The following KPNA6 variants were observed in gnomAD, a reference collection of about 807,000 sequenced individuals.
The protein encoded by KPNA6 is karyopherin subunit alpha 6, also known as importin subunit alpha-7.
Under a neutral mutation model 72.0 loss-of-function variants are expected in KPNA6, and 9 were observed. The ratio of observed to expected loss-of-function variants is 0.13; its 90% CI spans 0.08 to 0.22. The LOEUF is 0.22. Among genes scored for constraint, KPNA6 ranks in the 10% least tolerant of loss-of-function variants. The pLI is 1.00. For missense variants in KPNA6, 374 were observed against 655.7 expected (o/e 0.57, Z 4.69); for synonymous variants, 219 against 242.1 (o/e 0.90, Z 0.89).
intron 1 of KPNA6, among the ~76,000 whole-genome samples, chr1:32,134,999 A>G (rs1187474934): frequency 6.9e-6 from 1 of 145,376 alleles, no homozygotes; most frequent in Non-Finnish European, 1.5e-5. Context: ...TCTGCTTTCC[A>G]GGTTCGAGCA....
chr1:32,118,199 T>G lies in KPNA6; in HGVS notation c.4+10065T>G, dbSNP rs560780225. Among the ~76,000 whole-genome samples the G allele has an allele frequency of 1.6e-3, 238 of 152,154 alleles. 1 individual carries two copies. The highest frequency in any genetic ancestry group is 5.4e-3 in the African/African-American group (223 of 41,522). ...TCAGCCTCCCAAAGTGCTGAGATTA[T>G]AGACGTGAGCCACCGTGCCCAGCCA... On this transcript the variant is annotated intron_variant, in intron 1 of 13. Coordinates refer to ENST00000373625, the MANE Select transcript of KPNA6 (RefSeq NM_012316.5).
intron 1 of KPNA6, among the ~76,000 whole-genome samples, chr1:32,138,212 T>C (rs1453919114): frequency 6.6e-6 from 1 of 151,508 alleles, no homozygotes; most frequent in Non-Finnish European, 1.5e-5. Flanking sequence ...GTAGGCAAGA[T>C]GTTTTGACAA....
intron 7 of KPNA6, 31 bp from the exon 8 acceptor site, chr1:32,161,916 G>A: frequency 6.4e-7 from 1 of 1,563,516 alleles, no homozygotes; most frequent in African/African-American, 1.3e-5. Flanking sequence ...AGGCCTCAGT[G>A]CTCAGGATCT....
rs574766209 is a variant in KPNA6, at chr1:32,129,581, G to T, written c.4+21447G>T. Among the ~76,000 whole-genome samples the T allele has an allele frequency of 2.6e-5, 4 of 151,806 alleles. No individual in the cohort carries two copies. The South Asian group carries it at 8.3e-4, about 32-fold the overall frequency. Reference sequence around the variant, plus strand: ...TTGTTTTGTTTTTATTTGGAGACAGGGTCTCGCTCTGTCACCCAGGCTGGA... The same window carrying T: ...TTGTTTTGTTTTTATTTGGAGACAGTGTCTCGCTCTGTCACCCAGGCTGGA... On this transcript the variant is annotated intron_variant, in intron 1 of 13. Transcript: ENST00000373625.
At chr1:32,164,399 G>A (rs1642294054) in intron 10 of KPNA6, among the ~76,000 whole-genome samples, 1 of 152,178 alleles carries the variant, frequency 6.6e-6, no homozygotes, top group Non-Finnish European at 1.5e-5. Context: ...TACCCAGAGT[G>A]GAATTGCTGG....
intron 1 of KPNA6, among the ~76,000 whole-genome samples, chr1:32,128,932 G>A (rs1641588399): frequency 6.6e-6 from 1 of 152,028 alleles, no homozygotes; most frequent in Non-Finnish European, 1.5e-5. Flanking sequence ...GAGATAGTCT[G>A]GGTAAGGGTA....
chr1:32,128,253 G>A (rs1376840460), intron 1 of KPNA6, among the ~76,000 whole-genome samples: 1 of 150,916 alleles, frequency 6.6e-6, no homozygotes, highest in African/African-American at 2.4e-5. Context: ...CCTCCCTTCC[G>A]TAGATCTGAG....
At chr1:32,160,361 GT>G (rs1642215864) in intron 6 of KPNA6, among the ~76,000 whole-genome samples, 1 of 151,424 alleles carries the variant, frequency 6.6e-6, no homozygotes, top group African/African-American at 2.4e-5. Flanking sequence ...GGGCGATATT[GT>G]TTTGGCTTCT....
chr1:32,144,309 G>A (rs1299388982), intron 1 of KPNA6, among the ~76,000 whole-genome samples: 1 of 152,014 alleles, frequency 6.6e-6, no homozygotes, highest in African/African-American at 2.4e-5. Flanking sequence ...TGGTTAGCGC[G>A]ATATTTCATC....
At chr1:32,156,624 A>T (rs1642148772) in intron 2 of KPNA6, among the ~76,000 whole-genome samples, 3 of 152,226 alleles carry the variant, frequency 2.0e-5, no homozygotes, top group Non-Finnish European at 4.4e-5. Flanking sequence ...AAACTTATGA[A>T]TTGTTCATTT....
chr1:32,128,394 TATA>T (rs1267296908), intron 1 of KPNA6, among the ~76,000 whole-genome samples: 1 of 76,544 alleles, frequency 1.3e-5, no homozygotes, highest in African/African-American at 6.0e-5. Context: ...TATTTATATA[TATA>T]TATATATATA....
intron 1 of KPNA6, among the ~76,000 whole-genome samples, chr1:32,125,433 G>A (rs987228207): frequency 6.6e-6 from 1 of 152,154 alleles, no homozygotes; most frequent in Non-Finnish European, 1.5e-5. Context: ...CAGCCAACAG[G>A]CCTGCACAGG....
At chr1:32,154,965 G>A (rs1022635588) in intron 2 of KPNA6, among the ~76,000 whole-genome samples, 1 of 151,994 alleles carries the variant, frequency 6.6e-6, no homozygotes, top group African/African-American at 2.4e-5. Context: ...ACAGAAATTA[G>A]CCGGACGTGG....
intron 2 of KPNA6, among the ~76,000 whole-genome samples, chr1:32,155,110 CAAAAAAAAAAAAAA>C (rs144040035): frequency 3.7e-5 from 2 of 54,228 alleles, no homozygotes; most frequent in Admixed American, 2.7e-4. Flanking sequence ...AACTCCATCT[CAAAAAAAAAAAAAA>C]AAAAAAAAAG....
intron 10 of KPNA6, among the ~76,000 whole-genome samples, chr1:32,165,093 G>A (rs975122735): frequency 2.6e-5 from 4 of 151,684 alleles, no homozygotes; most frequent in African/African-American, 9.7e-5. Flanking sequence ...TTTTTGGAGA[G>A]ACAGGGTTTT....
rs1379181084 is a variant in KPNA6, at chr1:32,172,321, T to C, written c.*1427T>C. ...GGACCTGAAGGGAGCAAGGATGGCC[T>C]CAGGGCCTGGTGAAGTCTGCTACTC... On this transcript the variant is annotated 3_prime_UTR_variant, in exon 14 of 14. Transcript: ENST00000373625. The C allele has an allele frequency of 6.6e-6, 1 of 152,140 alleles. No individual in the cohort carries two copies. Among genetic ancestry groups the C allele is most frequent in the East Asian group, 1.9e-4 (1 of 5,170 alleles). The allele number at this position is 152,140 out of a possible 1,614,324, so 9.4% of individuals were successfully genotyped here.
At chr1:32,138,342 G>A (rs1477311667) in intron 1 of KPNA6, among the ~76,000 whole-genome samples, 3 of 151,600 alleles carry the variant, frequency 2.0e-5, no homozygotes, top group Admixed American at 6.6e-5. Flanking sequence ...ATCAGGAGTC[G>A]AGACCAGCCT....
intron 1 of KPNA6, among the ~76,000 whole-genome samples, chr1:32,148,243 T>C (rs1158397477): frequency 6.6e-6 from 1 of 152,056 alleles, no homozygotes; most frequent in Non-Finnish European, 1.5e-5. Flanking sequence ...TTGCTGGGAT[T>C]ACAAGTGCGT....
rs1268979481 is a variant in KPNA6 at position 32,167,983 on chromosome 1, T to C, written c.1244+687T>C. Among the ~76,000 whole-genome samples the C allele has an allele frequency of 3.3e-5, 5 of 151,732 alleles. No homozygotes were observed. In the East Asian group the frequency reaches 7.7e-4, roughly 23 times the overall value. On this transcript the variant is annotated intron_variant, in intron 12 of 13. Coordinates refer to ENST00000373625, the MANE Select transcript of KPNA6 (RefSeq NM_012316.5). ...GAGTTCAAGACTAGCCTGGGCAACA[T>C]AGGGACTTTGTCTCATGTGTACAAA... is the stretch of plus-strand genomic sequence containing the variant.
Sources: gnomAD v4.1 joint callset for allele counts (sites outside exome capture counted in the v4.1 genomes callset) on GRCh38, gnomAD v4.1.1 for gene constraint, MANE v1.5 for transcripts, NCBI Gene and HGNC (gene_info 2026-07-23, HGNC 2026-07-21) for gene names.